The following CAMK1G variants were observed in gnomAD, a reference collection of about 807,000 sequenced individuals.
CAMK1G encodes calcium/calmodulin-dependent protein kinase type 1G.
Under a neutral mutation model 54.8 loss-of-function variants are expected in CAMK1G, and 27 were observed. The observed-to-expected ratio is 0.49, with a 90% CI of 0.36 to 0.68. The LOEUF (loss-of-function observed/expected upper bound fraction) is 0.68. Ranked by LOEUF, CAMK1G falls within the 30% of genes least tolerant of loss-of-function variation. The pLI is 0.00. For missense variants in CAMK1G, 512 were observed against 591.0 expected (o/e 0.87, Z 1.39); for synonymous variants, 238 against 224.9 (o/e 1.06, Z -0.52).
intron 8 of CAMK1G, among the ~76,000 whole-genome samples, 181 bp from the exon 9 acceptor site, chr1:209,609,670 G>C (rs952644890): frequency 1.3e-5 from 2 of 152,098 alleles, no homozygotes; most frequent in Admixed American, 6.6e-5. Context: ...CTTCTTTGGT[G>C]GTTTATGGTG....
chr1:209,605,799 C>T (rs910104014), intron 5 of CAMK1G, 125 bp downstream of exon 5: 1 of 878,984 alleles, frequency 1.1e-6, no homozygotes, highest in Non-Finnish European at 1.7e-6. Flanking sequence ...GCCCCTTCTG[C>T]CCTTAGATTC....
intron 5 of CAMK1G, 39 bp from the exon 6 acceptor site, chr1:209,606,281 G>A: frequency 1.2e-6 from 2 of 1,603,314 alleles, no homozygotes; most frequent in Non-Finnish European, 1.7e-6. Context: ...ACTTGCTTCA[G>A]GTGGTTATAT....
At chr1:209,595,354 G>A (rs2076218) in intron 2 of CAMK1G, among the ~76,000 whole-genome samples, 60,657 of 151,944 alleles carry the variant, frequency 0.4, 12,981 homozygotes, top group African/African-American at 0.55. Context: ...CCCAGGAGGC[G>A]GAGGTTGCAG....
chr1:209,601,771 T>G (rs1057252907), intron 3 of CAMK1G, among the ~76,000 whole-genome samples: 1 of 152,232 alleles, frequency 6.6e-6, no homozygotes, highest in Non-Finnish European at 1.5e-5. Context: ...ATAGCTACTA[T>G]TGATTATGTG....
At chr1:209,610,905 G>A (rs1571787980) in intron 9 of CAMK1G, among the ~76,000 whole-genome samples, 1 of 152,168 alleles carries the variant, frequency 6.6e-6, no homozygotes, top group Non-Finnish European at 1.5e-5. Flanking sequence ...GTGAATAAGA[G>A]GCTAAGGGGA....
Position 209,603,260 on chromosome 1 carries a change from A to G in CAMK1G, c.268A>G (p.Thr90Ala). 1 of 1,614,134 alleles carries G rather than the reference A, an allele frequency of 6.2e-7. No homozygotes were observed. Among genetic ancestry groups the G allele is most frequent in the Non-Finnish European group, 8.5e-7 (1 of 1,179,986 alleles). Residue 90 changes from threonine (T) to alanine (A), a missense_variant, in exon 4 of 13, where the codon ACC (threonine) becomes GCC (alanine). Transcript: ENST00000361322. ...IVTLEDIYES[T>A]THYYLVMQLV... Reference sequence around the variant, plus strand: ...GACCCTGGAGGACATCTATGAGAGCACCACCCACTACTACCTGGTCATGCA... The same window carrying G: ...GACCCTGGAGGACATCTATGAGAGCGCCACCCACTACTACCTGGTCATGCA...
chr1:209,594,364 A>C (rs12144092), intron 1 of CAMK1G, among the ~76,000 whole-genome samples: 30,134 of 152,212 alleles, frequency 0.2, 3,803 homozygotes, highest in Non-Finnish European at 0.28. Context: ...ATATTGGTTA[A>C]CTGTTGAATA....
At chr1:209,606,484 A>T in intron 6 of CAMK1G, 41 bp downstream of exon 6, 1 of 1,602,750 alleles carries the variant, frequency 6.2e-7, no homozygotes, top group Non-Finnish European at 8.5e-7. Context: ...AGTTGGCTAC[A>T]TTCAACCACA....
intron 1 of CAMK1G, among the ~76,000 whole-genome samples, chr1:209,588,834 A>T (rs1045299509): frequency 2.6e-5 from 4 of 152,200 alleles, no homozygotes; most frequent in African/African-American, 9.6e-5. Flanking sequence ...AGCATCTCTC[A>T]CCAGCTTCTC....
chr1:209,611,477 C>G lies in CAMK1G; in HGVS notation c.840C>G (p.Asn280Lys). Residue 280 changes from asparagine (N) to lysine (K), a missense_variant, in exon 10 of 13, where the codon AAC (asparagine) becomes AAG (lysine). Coordinates refer to ENST00000361322, the MANE Select transcript of CAMK1G (RefSeq NM_020439.3). Reference sequence around the variant, plus strand: ...CTTACATCCACAGGATTGACGGAAACACAGCCCTCCACCGGGACATCTACC... The same window carrying G: ...CTTACATCCACAGGATTGACGGAAAGACAGCCCTCCACCGGGACATCTACC... Reference protein sequence around the residue: ...KALSHPWIDGNTALHRDIYPS... With the variant: ...KALSHPWIDGKTALHRDIYPS... 6.2e-7 allele frequency: 1 copy of G among 1,614,098 alleles called. No homozygotes were observed.
Position 209,611,711 on chromosome 1 carries a change from G to A in CAMK1G, c.916-81G>A, listed in dbSNP as rs139817989. The A allele has an allele frequency of 7.2e-4, 1,114 of 1,545,846 alleles. 7 individuals are homozygous for A. The highest frequency in any genetic ancestry group is 1.2e-3 in the African/African-American group (86 of 72,982). On this transcript the variant is annotated intron_variant, in intron 10 of 12. Coordinates refer to ENST00000361322, the MANE Select transcript of CAMK1G (RefSeq NM_020439.3). ...GAAGTGGGCACCCAGGTTTCAAGAG[G>A]CCACAAGGCAAAGGGAAAGTTTAAG...
intron 1 of CAMK1G, among the ~76,000 whole-genome samples, chr1:209,593,780 G>T: frequency 1.0e-5 from 1 of 97,126 alleles, no homozygotes; most frequent in South Asian, 3.7e-4. Context: ...TCACAGATCA[G>T]CCAGAGTGAA....
intron 6 of CAMK1G, 137 bp from the exon 7 acceptor site, chr1:209,607,721 G>T: frequency 1.5e-6 from 1 of 664,534 alleles, no homozygotes; most frequent in East Asian, 2.6e-5. Flanking sequence ...CCTACCCTTA[G>T]GGAGTTTTCA....
At chr1:209,607,239 TACA>T (rs1665672567) in intron 6 of CAMK1G, among the ~76,000 whole-genome samples, 2 of 152,046 alleles carry the variant, frequency 1.3e-5, no homozygotes. Context: ...CTGCAAGAAA[TACA>T]GAAGGCAGCT....
intron 3 of CAMK1G, 136 bp downstream of exon 3, chr1:209,600,247 C>T (rs1421778429): frequency 9.5e-7 from 1 of 1,052,206 alleles, no homozygotes; most frequent in Non-Finnish European, 1.4e-6. Context: ...TGGGTCAGTT[C>T]AGTCAATTAG....
chr1:209,589,296 C>G (rs530373651), intron 1 of CAMK1G, among the ~76,000 whole-genome samples: 2 of 152,158 alleles, frequency 1.3e-5, no homozygotes, highest in Non-Finnish European at 2.9e-5. Flanking sequence ...GAACCAGACA[C>G]GGATCCCATC....
intron 7 of CAMK1G, among the ~76,000 whole-genome samples, 187 bp from the exon 8 acceptor site, chr1:209,608,793 T>A (rs1350367489): frequency 6.6e-6 from 1 of 152,196 alleles, no homozygotes; most frequent in Non-Finnish European, 1.5e-5. Context: ...GGCTTGGCAC[T>A]TGCATAAACA....
rs143406129 is a variant in CAMK1G at position 209,606,343 on chromosome 1, C to T, written c.459C>T (p.Thr153=). The T allele has an allele frequency of 2.5e-6, 4 of 1,613,832 alleles. No individual in the cohort carries two copies. The highest frequency in any genetic ancestry group is 2.7e-5 in the African/African-American group (2 of 74,876). ...AGCCCGAAAACCTGCTTTACCTTACCCCTGAAGAGAACTCTAAGATCATGA... is the reference window on the plus strand; with the variant it reads ...AGCCCGAAAACCTGCTTTACCTTACTCCTGAAGAGAACTCTAAGATCATGA... ...DLKPENLLYL[T]PEENSKIMIT... The change falls in exon 6 of 13, where the codon ACC becomes ACT. Residue 153 remains threonine, a synonymous_variant. Coordinates refer to ENST00000361322, the MANE Select transcript of CAMK1G (RefSeq NM_020439.3).
At chr1:209,605,426 G>C (rs35508847) in intron 4 of CAMK1G, 110 bp from the exon 5 acceptor site, 216,703 of 1,320,510 alleles carry the variant, frequency 0.16, 19,262 homozygotes, top group African/African-American at 0.29. Context: ...AGTTCATGGG[G>C]GCCTGCCTGT....
Sources: gnomAD v4.1 joint callset for allele counts (sites outside exome capture counted in the v4.1 genomes callset) on GRCh38, gnomAD v4.1.1 for gene constraint, MANE v1.5 for transcripts, NCBI Gene and HGNC (gene_info 2026-07-23, HGNC 2026-07-21) for gene names.